Variants in VNN2 observed in about 807,000 individuals in gnomAD.
VNN2 encodes the protein vanin 2.
VNN2 carries 43 observed loss-of-function variants against 43.0 expected under a neutral mutation model. The observed-to-expected ratio is 1.00, with a 90% CI of 0.78 to 1.29. The LOEUF is 1.29. Among genes scored for constraint, VNN2 ranks in the 50% most tolerant of loss-of-function variants. VNN2 has a pLI of 0.00. For missense variants in VNN2, 652 were observed against 619.7 expected, an observed-to-expected ratio of 1.05 and a Z score of -0.55; for synonymous variants, 230 against 224.3, an observed-to-expected ratio of 1.03 and a Z score of -0.23.
At position 132,751,112 on chromosome 6, in the gene VNN2, A is replaced by G. The variant is rs1471078264; in HGVS notation, c.1200+33T>C. 2.6e-6 allele frequency: 4 copies of G among 1,539,978 alleles called. No homozygotes were observed. In the Admixed American group the frequency reaches 6.6e-5, roughly 25 times the overall value. ...AAAGTTAACCTGGAATTTACCTTTC[A>G]CTTGAATGCCCTTTCATTTGAACTG... is the stretch of plus-strand genomic sequence containing the variant. On this transcript the variant is annotated intron_variant, in intron 5 of 6. Coordinates refer to ENST00000326499, the MANE Select transcript of VNN2 (RefSeq NM_004665.6).
chr6:132,759,320 T>A (rs1335225527), upstream of VNN2, among the ~76,000 whole-genome samples: 1 of 149,654 alleles, frequency 6.7e-6, no homozygotes, highest in African/African-American at 2.5e-5. Flanking sequence ...GCGCCTGTAA[T>A]CCCAGCTACT....
chr6:132,756,276 A>G (rs1486444142), intron 2 of VNN2, among the ~76,000 whole-genome samples: 2 of 152,172 alleles, frequency 1.3e-5, no homozygotes, highest in Admixed American at 6.5e-5. Flanking sequence ...TCTCCTCTCT[A>G]CTGAAACATC....
At chr6:132,756,983 C>T (rs1438396161) in intron 2 of VNN2, among the ~76,000 whole-genome samples, 1 of 152,166 alleles carries the variant, frequency 6.6e-6, no homozygotes, top group African/African-American at 2.4e-5. Flanking sequence ...AGTTTCAAAG[C>T]ATAAGGTCTT....
chr6:132,759,497 T>C (rs1361197605), upstream of VNN2, among the ~76,000 whole-genome samples: 1 of 150,776 alleles, frequency 6.6e-6, no homozygotes, highest in African/African-American at 2.5e-5. Context: ...TGATCTCAGA[T>C]GCCTTCTTAG....
At chr6:132,746,535 G>A (rs941140532) in intron 6 of VNN2, among the ~76,000 whole-genome samples, 1 of 144,276 alleles carries the variant, frequency 6.9e-6, no homozygotes, top group African/African-American at 2.4e-5. Flanking sequence ...ACCAAGAATG[G>A]GTTATTGGAC....
intron 3 of VNN2, 155 bp from the exon 4 acceptor site, chr6:132,752,904 A>T (rs1213981066): frequency 1.5e-5 from 11 of 747,574 alleles, no homozygotes; most frequent in Non-Finnish European, 2.3e-5. Context: ...TAAATTTCTA[A>T]GGAAAATGTG....
At position 132,750,995 on chromosome 6, in the gene VNN2, C is replaced by CGTGTGT. The variant is rs36044107; in HGVS notation, c.1200+144_1200+149dup. 2.0e-5 allele frequency: 17 copies of CGTGTGT among 852,818 alleles called. No individual in the cohort carries two copies. The African/African-American group carries it at 2.6e-4, about 13-fold the overall frequency. 52.8% of individuals were successfully genotyped at this position (852,818 alleles called of 1,614,324 possible). A position where few individuals can be genotyped will look rare whatever the true frequency, so the allele number is the denominator to read the frequency against. Reference sequence around the variant, plus strand: ...CAGTGTATGTACGTGCATAAATGCACGTGTGTGTGTGTGTGTTGTGTGTGT... The same window carrying CGTGTGT: ...CAGTGTATGTACGTGCATAAATGCACGTGTGTGTGTGTGTGTGTGTGTTGTGTGTGT... On this transcript the variant is annotated intron_variant, in intron 5 of 6. Coordinates refer to ENST00000326499, the MANE Select transcript of VNN2 (RefSeq NM_004665.6).
chr6:132,753,373 C>T, intron 3 of VNN2: 1 of 390,492 alleles, frequency 2.6e-6, no homozygotes, highest in Non-Finnish European at 5.1e-6. Flanking sequence ...TTCTTTGAAT[C>T]CTTGGTGCCT....
At position 132,751,345 on chromosome 6, in the gene VNN2, T is replaced by C. The variant is rs773793336; in HGVS notation, c.1000A>G (p.Lys334Glu). The change falls in exon 5 of 7, where the codon AAA becomes GAA. Residue 334 changes from lysine to glutamate, a missense_variant. Coordinates refer to ENST00000326499, the MANE Select transcript of VNN2 (RefSeq NM_004665.6). ...ATTIKPFPVQ[K>E]NTFRGFISRD... ...GAAATAAATCCCCTGAAAGTGTTTT[T>C]CTGTACTGGAAATGGTTTGATGGTG... The C allele has an allele frequency of 6.2e-7, 1 of 1,614,200 alleles. No individual in the cohort carries two copies. Among genetic ancestry groups the C allele is most frequent in the South Asian group, 1.1e-5 (1 of 91,088 alleles).
upstream of VNN2, among the ~76,000 whole-genome samples, chr6:132,762,352 C>G (rs1780758304): frequency 6.6e-6 from 1 of 152,170 alleles, no homozygotes; most frequent in Non-Finnish European, 1.5e-5. Context: ...GACATTCTCA[C>G]AGGCAGCAAG....
At position 132,752,582 on chromosome 6, in the gene VNN2, G is replaced by A; in HGVS notation, c.705C>T (p.Pro235=). 6.2e-7 allele frequency: 1 copy of A among 1,614,116 alleles called. No homozygotes were observed. The highest frequency in any genetic ancestry group is 8.5e-7 in the Non-Finnish European group (1 of 1,180,024). Residue 235 remains proline (P), a synonymous_variant, in exon 4 of 7, where the codon CCC becomes CCT. Transcript: ENST00000326499. ...GGGGCAAAACGTTCATCCAAGCTGT[G>A]GGAAACAGTATGGTGTCCACATGGA... ...KDFHVDTILF[P]TAWMNVLPLL... is the part of the protein sequence containing the mutation.
upstream of VNN2, chr6:132,758,030 CTTCTTCTTCTTTTTT>C: frequency 2.8e-5 from 2 of 72,042 alleles, no homozygotes; most frequent in Non-Finnish European, 4.3e-5. Context: ...TCTTCTTCTT[CTTCTTCTTCTTTTTT>C]TTTTTTTTTT....
chr6:132,758,656 G>A (rs142274405), upstream of VNN2, among the ~76,000 whole-genome samples: 253 of 149,834 alleles, frequency 1.7e-3, 3 homozygotes, highest in East Asian at 0.029. Flanking sequence ...ATTTTTAGAC[G>A]GGGGGGAAAA....
Position 132,743,970 on chromosome 6 carries a change from C to T in VNN2, c.*330G>A, listed in dbSNP as rs941898379. 2.3e-5 allele frequency: 4 copies of T among 175,920 alleles called. No individual in the cohort carries two copies. The allele number at this position is 175,920 out of a possible 1,614,324, so 10.9% of individuals were successfully genotyped here. Reference sequence around the variant, plus strand: ...AAGGGCACAGCTATGTTTGCAATGGCCCTGAAACTCCTCACTCCCATACAT... The same window carrying T: ...AAGGGCACAGCTATGTTTGCAATGGTCCTGAAACTCCTCACTCCCATACAT... On this transcript the variant is annotated 3_prime_UTR_variant, in exon 7 of 7. Transcript: ENST00000326499.
intron 6 of VNN2, among the ~76,000 whole-genome samples, chr6:132,745,019 A>G (rs963381756): frequency 1.3e-5 from 2 of 152,198 alleles, no homozygotes; most frequent in African/African-American, 4.8e-5. Flanking sequence ...GGTGGAAGAC[A>G]TTGTGGGAAG....
At chr6:132,749,194 T>C (rs1231617898) in intron 6 of VNN2, among the ~76,000 whole-genome samples, 3 of 152,208 alleles carry the variant, frequency 2.0e-5, no homozygotes, top group Non-Finnish European at 4.4e-5. Context: ...TTGAGAGGTC[T>C]GAGTTCTTCA....
rs1296702098 is a variant in VNN2, at chr6:132,743,906, G to A, written c.*394C>T. 3 of 154,808 alleles carry A rather than the reference G, an allele frequency of 1.9e-5. No homozygotes were observed. In the Admixed American group the frequency reaches 2.0e-4, roughly 10 times the overall value. 9.6% of individuals were successfully genotyped at this position (154,808 alleles called of 1,614,324 possible). A position where few individuals can be genotyped will look rare whatever the true frequency, so the allele number is the denominator to read the frequency against. ...AGTCTTTAATGTCAAAGGGAATTCA[G>A]TCATAAACCTCTAAATTCCCATCAT... On this transcript the variant is annotated 3_prime_UTR_variant, in exon 7 of 7. Transcript: ENST00000326499.
intron 3 of VNN2, chr6:132,753,010 C>CCA: frequency 2.5e-6 from 1 of 393,792 alleles, no homozygotes; most frequent in East Asian, 4.2e-5. Flanking sequence ...AATACCCCCC[C>CCA]ATAAACCCCA....
Position 132,752,704 on chromosome 6 carries a change from C to T in VNN2, c.583G>A (p.Glu195Lys). Reference protein sequence around the residue: ...EPQFNVPEKPELVTFNTAFGR... With the variant: ...EPQFNVPEKPKLVTFNTAFGR... ...AATGCGGTGTTGAAAGTCACCAACT[C>T]CGGCTTTTCAGGGACATTAAACTGA... Residue 195 changes from glutamate to lysine, a missense_variant, in exon 4 of 7, where the codon GAG becomes AAG. Transcript: ENST00000326499. 6.2e-7 allele frequency: 1 copy of T among 1,614,142 alleles called. No homozygotes were observed. The highest frequency in any genetic ancestry group is 8.5e-7 in the Non-Finnish European group (1 of 1,180,016).
Sources: gnomAD v4.1 joint callset for allele counts (sites outside exome capture counted in the v4.1 genomes callset) on GRCh38, gnomAD v4.1.1 for gene constraint, MANE v1.5 for transcripts, NCBI Gene and HGNC (gene_info 2026-07-23, HGNC 2026-07-21) for gene names.